The following PPP5C variants were observed in gnomAD, a reference collection of about 807,000 sequenced individuals.
PPP5C encodes serine/threonine-protein phosphatase 5.
PPP5C carries 21 observed loss-of-function variants against 66.7 expected under a neutral mutation model. The ratio of observed to expected loss-of-function variants is 0.31; its 90% CI spans 0.22 to 0.45. The LOEUF is 0.45. Among genes scored for constraint, PPP5C ranks in the 20% least tolerant of loss-of-function variants. The pLI is 1.00. For synonymous variants in PPP5C, 246 were observed against 257.4 expected (o/e 0.96, Z 0.43); for missense variants, 464 against 675.9 (o/e 0.69, Z 3.48).
chr19:46,364,430 C>A (rs992474012), intron 2 of PPP5C, among the ~76,000 whole-genome samples: 40 of 152,082 alleles, frequency 2.6e-4, no homozygotes, highest in African/African-American at 9.7e-4. Flanking sequence ...CATGGCAAGA[C>A]CTCTTCTCTA....
chr19:46,361,521 C>T (rs1429624622), intron 2 of PPP5C, among the ~76,000 whole-genome samples: 7 of 140,440 alleles, frequency 5.0e-5, no homozygotes, highest in South Asian at 2.2e-4. Context: ...CTGAGGCAGG[C>T]GGATCATGAG....
In PPP5C at chr19:46,390,572, G is replaced by T. The variant is rs1441546911; in HGVS notation, c.*226G>T. ...CAGAGAGGAAGGAGGTGGAGCAGCTGGGGCTGGGGGCACAGCCTGGGCATT... is the reference window on the plus strand; with the variant it reads ...CAGAGAGGAAGGAGGTGGAGCAGCTTGGGCTGGGGGCACAGCCTGGGCATT... On this transcript the variant is annotated 3_prime_UTR_variant, in exon 13 of 13. Coordinates refer to ENST00000012443, the MANE Select transcript of PPP5C (RefSeq NM_006247.4). The T allele has an allele frequency of 1.4e-6, 2 of 1,401,082 alleles. No homozygotes were observed. Among genetic ancestry groups the T allele is most frequent in the Non-Finnish European group, 1.9e-6 (2 of 1,076,328 alleles). The allele number at this position is 1,401,082 out of a possible 1,614,324, so 86.8% of individuals were successfully genotyped here. A position where few individuals can be genotyped will look rare whatever the true frequency, so the allele number is the denominator to read the frequency against.
intron 6 of PPP5C, chr19:46,384,238 G>T (rs964618032): frequency 3.2e-6 from 1 of 309,572 alleles, no homozygotes; most frequent in Admixed American, 4.7e-5. Flanking sequence ...ACCGAAGCAG[G>T]TTACTTCACT....
chr19:46,357,655 C>T (rs1972309829), intron 2 of PPP5C, among the ~76,000 whole-genome samples: 1 of 152,170 alleles, frequency 6.6e-6, no homozygotes, highest in Non-Finnish European at 1.5e-5. Flanking sequence ...TGACCCACTC[C>T]TTGGGTTCAA....
At chr19:46,379,173 C>T (rs1972747657) in intron 4 of PPP5C, among the ~76,000 whole-genome samples, 1 of 152,242 alleles carries the variant, frequency 6.6e-6, no homozygotes, top group African/African-American at 2.4e-5. Flanking sequence ...CCTGCCTCAG[C>T]CTCCCGAGTA....
chr19:46,384,963 C>T, intron 7 of PPP5C, 54 bp downstream of exon 7: 1 of 1,324,600 alleles, frequency 7.5e-7, no homozygotes, highest in Non-Finnish European at 1.1e-6. Flanking sequence ...GAGTGGGGCA[C>T]TCACTCTGCA....
rs59090221 is a variant in PPP5C, at chr19:46,361,129, A to AT, written c.363+7158dup. Among the ~76,000 whole-genome samples, 1,160 of 140,224 alleles carry AT rather than the reference A, an allele frequency of 8.3e-3. 9 individuals carry two copies. The highest frequency in any genetic ancestry group is 0.013 in the Non-Finnish European group (842 of 65,570). The allele number at this position is 140,224 out of a possible 152,430, so 92.0% of individuals were successfully genotyped here. ...TTACCCAAAAGATAAGTGAAAGAAAATTTTTTTTTTTTTTTTTTGAGACGG... is the reference window on the plus strand; with the variant it reads ...TTACCCAAAAGATAAGTGAAAGAAAATTTTTTTTTTTTTTTTTTTGAGACGG... On this transcript the variant is annotated intron_variant, in intron 2 of 12. Coordinates refer to ENST00000012443, the MANE Select transcript of PPP5C (RefSeq NM_006247.4).
At chr19:46,362,863 C>G (rs141494103) in intron 2 of PPP5C, among the ~76,000 whole-genome samples, 2,333 of 151,302 alleles carry the variant, frequency 0.015, 68 homozygotes, top group African/African-American at 0.054. Flanking sequence ...TCTCGGCTCA[C>G]TGCAAGCTCC....
chr19:46,354,039 A>G (rs951053424), intron 2 of PPP5C, 50 bp downstream of exon 2: 1 of 1,595,368 alleles, frequency 6.3e-7, no homozygotes, highest in Admixed American at 1.7e-5. Context: ...GCAGATACTG[A>G]GGGCTGGGCT....
intron 1 of PPP5C, among the ~76,000 whole-genome samples, chr19:46,349,126 G>A (rs771351990): frequency 1.5e-4 from 23 of 151,958 alleles, no homozygotes; most frequent in Admixed American, 1.4e-3. Context: ...ATGGTGAAAC[G>A]ACGTCTCTGC....
intron 1 of PPP5C, among the ~76,000 whole-genome samples, chr19:46,348,246 G>T (rs961749247): frequency 1.3e-4 from 19 of 151,770 alleles, no homozygotes; most frequent in African/African-American, 3.6e-4. Flanking sequence ...AACAAGATGA[G>T]ATTAGGACAG....
At chr19:46,375,900 G>A (rs1337972999) in intron 3 of PPP5C, 149 bp downstream of exon 3, 5 of 1,359,814 alleles carry the variant, frequency 3.7e-6, no homozygotes, top group South Asian at 1.5e-5. Flanking sequence ...GTTCCAGGGC[G>A]CTCCATCCAC....
At chr19:46,367,679 C>T (rs75240514) in intron 2 of PPP5C, among the ~76,000 whole-genome samples, 2 of 152,152 alleles carry the variant, frequency 1.3e-5, no homozygotes, top group Admixed American at 6.5e-5. Context: ...CTGGACCTTA[C>T]GGTGGGAACC....
rs560669255 is a variant in PPP5C at position 46,355,471 on chromosome 19, G to C, written c.363+1482G>C. On this transcript the variant is annotated intron_variant, in intron 2 of 12. Transcript: ENST00000012443. The stretch of plus-strand genomic sequence containing the variant: ...TCCTGGCTGTTGGCCGCTGGCCTGG[G>C]GTGGAGGGTGGACTTCAGGCCAGGT... Among the ~76,000 whole-genome samples the C allele has an allele frequency of 1.5e-3, 223 of 152,264 alleles. 1 individual carries two copies. The highest frequency in any genetic ancestry group is 4.5e-3 in the African/African-American group (185 of 41,544).
intron 2 of PPP5C, among the ~76,000 whole-genome samples, chr19:46,371,875 G>T (rs982870813): frequency 1.3e-5 from 2 of 152,200 alleles, no homozygotes; most frequent in African/African-American, 4.8e-5. Flanking sequence ...GAGATATTCA[G>T]AATGCCCTGT....
chr19:46,383,345 G>A lies in PPP5C; in HGVS notation c.634-66G>A. 1.9e-6 allele frequency: 3 copies of A among 1,575,862 alleles called. No individual in the cohort carries two copies. Among genetic ancestry groups the A allele is most frequent in the Non-Finnish European group, 2.6e-6 (3 of 1,161,478 alleles). On this transcript the variant is annotated intron_variant, in intron 4 of 12. Coordinates refer to ENST00000012443, the MANE Select transcript of PPP5C (RefSeq NM_006247.4). This position sits in a 1 kb window ranked among gnomAD's most constrained non-coding sequence, Gnocchi z 5.0. Reference sequence around the variant, plus strand: ...CAGCAGCGTCTCATGGGCAGTCCAGGCTTTCGGGGCCAGGTTGGGCAGCAG... The same window carrying A: ...CAGCAGCGTCTCATGGGCAGTCCAGACTTTCGGGGCCAGGTTGGGCAGCAG...
chr19:46,376,740 C>T lies in PPP5C; in HGVS notation c.633+166C>T. 2 of 947,790 alleles carry T rather than the reference C, an allele frequency of 2.1e-6. No homozygotes were observed. The highest frequency in any genetic ancestry group is 3.0e-6 in the Non-Finnish European group (2 of 658,112). The allele number at this position is 947,790 out of a possible 1,614,324, so 58.7% of individuals were successfully genotyped here. ...GTGCCGAGGGCTTACCACATGATCT[C>T]ATCTCGTCCCACAGCAGTTTGGGGA... On this transcript the variant is annotated intron_variant, in intron 4 of 12. Transcript: ENST00000012443. The surrounding 1 kb of genome is among the most constrained non-coding windows in gnomAD (Gnocchi z 5.1).
At chr19:46,381,323 C>G (rs1247384746) in intron 4 of PPP5C, among the ~76,000 whole-genome samples, 1 of 152,166 alleles carries the variant, frequency 6.6e-6, no homozygotes, top group Non-Finnish European at 1.5e-5. Flanking sequence ...TCTGATAGTT[C>G]CATCATCTGG....
At chr19:46,350,942 G>T (rs1362639870) in intron 1 of PPP5C, among the ~76,000 whole-genome samples, 1 of 152,160 alleles carries the variant, frequency 6.6e-6, no homozygotes, top group African/African-American at 2.4e-5. Context: ...AACTGTGGCT[G>T]GTTGCTCTGT....
Sources: gnomAD v4.1 joint callset for allele counts (sites outside exome capture counted in the v4.1 genomes callset) on GRCh38, gnomAD v4.1.1 for gene constraint, Gnocchi (gnomAD v3.1) non-coding constraint, MANE v1.5 for transcripts, NCBI Gene and HGNC (gene_info 2026-07-23, HGNC 2026-07-21) for gene names.